Variants in SLC26A9 observed in about 807,000 individuals in gnomAD.
SLC26A9 encodes the protein anion transporter/exchanger protein 9.
A neutral mutation model predicts 87.1 loss-of-function variants in SLC26A9; 46 were observed. The observed-to-expected ratio is 0.53, with a 90% CI of 0.42 to 0.67. The LOEUF is 0.67. SLC26A9 is among the 30% of genes least tolerant of loss of function. SLC26A9 has a pLI of 0.00. For missense variants in SLC26A9, 927 were observed against 1,018.3 expected (o/e 0.91, Z 1.22); for synonymous variants, 437 against 409.1 (o/e 1.07, Z -0.82).
intron 1 of SLC26A9, among the ~76,000 whole-genome samples, chr1:205,940,857 C>T (rs1379842536): frequency 2.0e-5 from 3 of 152,258 alleles, no homozygotes; most frequent in African/African-American, 4.8e-5. Context: ...GTGCCAGGTA[C>T]GGGAACAGCC....
At chr1:205,935,875 A>C in intron 1 of SLC26A9, 37 bp from the exon 2 acceptor site, 1 of 1,580,078 alleles carries the variant, frequency 6.3e-7, no homozygotes, top group Non-Finnish European at 8.6e-7. Flanking sequence ...GTGAGGGAAC[A>C]TCCCTCCCTA....
rs12733647 is a variant in SLC26A9, at chr1:205,913,673, G to T, written c.*1684C>A. ...CTGGAATTTGGCACTTCGGGTGCTG[G>T]GCACGGTGAATCCCAGATAACATTG... On this transcript the variant is annotated 3_prime_UTR_variant, in exon 21 of 21. Coordinates refer to ENST00000367135, the MANE Select transcript of SLC26A9 (RefSeq NM_052934.4). 7,145 of 152,726 alleles carry T rather than the reference G, an allele frequency of 0.047. 209 individuals are homozygous for T. The highest frequency in any genetic ancestry group is 0.082 in the Middle Eastern group (24 of 294). The allele number at this position is 152,726 out of a possible 1,614,324, so 9.5% of individuals were successfully genotyped here.
chr1:205,918,983 G>A lies in SLC26A9; in HGVS notation c.2113C>T (p.Gln705Ter). ...VKVFLVNIHA[Q>*]VYNDISHGGV... Reference sequence around the variant, plus strand: ...CCATGGCTAATGTCATTGTACACCTGGGCTAGAAGGAGAAAAGATCACCTT... The same window carrying A: ...CCATGGCTAATGTCATTGTACACCTAGGCTAGAAGGAGAAAAGATCACCTT... The change falls in exon 19 of 21, where the codon CAG (glutamine) becomes TAG (stop). Residue 705 changes from glutamine to a stop codon, truncating the protein, a stop_gained and splice_region_variant. Transcript: ENST00000367135. LOFTEE classifies it high-confidence loss of function. 6.2e-7 allele frequency: 1 copy of A among 1,613,952 alleles called. No individual in the cohort carries two copies. The highest frequency in any genetic ancestry group is 8.5e-7 in the Non-Finnish European group (1 of 1,179,820).
At chr1:205,938,726 C>T (rs1318226965) in intron 1 of SLC26A9, among the ~76,000 whole-genome samples, 1 of 152,228 alleles carries the variant, frequency 6.6e-6, no homozygotes, top group Non-Finnish European at 1.5e-5. Flanking sequence ...TCCTCTCCCA[C>T]TCTTTTCCCT....
At position 205,929,194 on chromosome 1, in the gene SLC26A9, A is replaced by G. The variant is rs1659205422; in HGVS notation, c.870+10T>C. The stretch of plus-strand genomic sequence containing the variant: ...CCCCCCAACATCCCAGCTCTGAACA[A>G]GGTCCTTACCACAATCATCTCTGTA... On this transcript the variant is annotated intron_variant, in intron 7 of 20. Coordinates refer to ENST00000367135, the MANE Select transcript of SLC26A9 (RefSeq NM_052934.4). 3 of 1,611,126 alleles carry G rather than the reference A, an allele frequency of 1.9e-6. No homozygotes were observed. Among genetic ancestry groups the G allele is most frequent in the Non-Finnish European group, 2.5e-6 (3 of 1,177,814 alleles).
At chr1:205,920,339 C>A (rs1658775136) in intron 17 of SLC26A9, 109 bp from the exon 18 acceptor site, 3 of 1,289,466 alleles carry the variant, frequency 2.3e-6, no homozygotes, top group Non-Finnish European at 3.4e-6. Context: ...AAATAAGCAA[C>A]CCTGAGAGCC....
chr1:205,942,095 G>A (rs901401737), intron 1 of SLC26A9, among the ~76,000 whole-genome samples: 1 of 152,216 alleles, frequency 6.6e-6, no homozygotes, highest in Non-Finnish European at 1.5e-5. Context: ...CAGTCTGGCT[G>A]TTTAGTACGG....
intron 11 of SLC26A9, among the ~76,000 whole-genome samples, 178 bp from the exon 12 acceptor site, chr1:205,926,808 A>G (rs1659090780): frequency 6.6e-6 from 1 of 152,198 alleles, no homozygotes; most frequent in Non-Finnish European, 1.5e-5. Flanking sequence ...CGTTAGAGCC[A>G]TGGGGTCCTT....
At chr1:205,934,558 T>C (rs1659433017) in intron 2 of SLC26A9, among the ~76,000 whole-genome samples, 1 of 152,240 alleles carries the variant, frequency 6.6e-6, no homozygotes. Context: ...ATTAGCTTTC[T>C]AGACATTCAT....
intron 1 of SLC26A9, among the ~76,000 whole-genome samples, chr1:205,937,919 G>C (rs1409339407): frequency 6.6e-6 from 1 of 152,054 alleles, no homozygotes; most frequent in Admixed American, 6.5e-5. Flanking sequence ...AAATTTCAAG[G>C]GGGGCTGAGT....
In SLC26A9 at chr1:205,926,298, C is replaced by T. The variant is rs1283769071; in HGVS notation, c.1389+237G>A. Among the ~76,000 whole-genome samples, 4 of 152,160 alleles carry T rather than the reference C, an allele frequency of 2.6e-5. No homozygotes were observed. The East Asian group carries it at 7.7e-4, about 29-fold the overall frequency. Reference sequence around the variant, plus strand: ...AAAATAACCATTTGCCCAGTTAAGACACCAAGACTGGGAAAGGTTAAGGGG... The same window carrying T: ...AAAATAACCATTTGCCCAGTTAAGATACCAAGACTGGGAAAGGTTAAGGGG... On this transcript the variant is annotated intron_variant, in intron 12 of 20. Transcript: ENST00000367135.
Position 205,927,888 on chromosome 1 carries a change from G to T in SLC26A9, c.1101+14C>A, listed in dbSNP as rs1659144892. 6.2e-7 allele frequency: 1 copy of T among 1,612,788 alleles called. No individual in the cohort carries two copies. Among genetic ancestry groups the T allele is most frequent in the Non-Finnish European group, 8.5e-7 (1 of 1,179,144 alleles). ...CCTGTCCTGCCCAGTCCTGCCGGGG[G>T]TGGCCAGAGCTACCTGGTTCGAATC... On this transcript the variant is annotated intron_variant, in intron 9 of 20. Coordinates refer to ENST00000367135, the MANE Select transcript of SLC26A9 (RefSeq NM_052934.4).
At position 205,915,424 on chromosome 1, in the gene SLC26A9, G is replaced by A. The variant is rs750682334; in HGVS notation, c.2329-20C>T. ...CATCTCCTGCAGGAACCACAGGAAG[G>A]AAGTGGGAGGGGAAGAGAGAGGTTA... On this transcript the variant is annotated intron_variant, in intron 20 of 20. Transcript: ENST00000367135. The A allele has an allele frequency of 2.5e-6, 4 of 1,613,842 alleles. No individual in the cohort carries two copies. The South Asian group carries it at 4.4e-5, about 18-fold the overall frequency.
intron 19 of SLC26A9, 138 bp from the exon 20 acceptor site, chr1:205,917,492 T>C (rs1442232572): frequency 5.1e-6 from 4 of 782,838 alleles, no homozygotes; most frequent in East Asian, 2.5e-5. Flanking sequence ...TCTTGCCCCT[T>C]CCCTTACCTG....
At chr1:205,917,802 T>TATATAAA (rs1658658024) in intron 19 of SLC26A9, among the ~76,000 whole-genome samples, 1 of 152,126 alleles carries the variant, frequency 6.6e-6, no homozygotes, top group Non-Finnish European at 1.5e-5. Flanking sequence ...AAGTATATAT[T>TATATAAA]ATATAAAATA....
chr1:205,929,878 A>G lies in SLC26A9; in HGVS notation c.717+14T>C. On this transcript the variant is annotated intron_variant, in intron 6 of 20. Transcript: ENST00000367135. Reference sequence around the variant, plus strand: ...AGCCTTGCTCCAATGGCAGGGGTGCATCCCCAGACTCACAAAGACGATGGA... The same window carrying G: ...AGCCTTGCTCCAATGGCAGGGGTGCGTCCCCAGACTCACAAAGACGATGGA... The G allele has an allele frequency of 6.3e-7, 1 of 1,576,180 alleles. No individual in the cohort carries two copies. Among genetic ancestry groups the G allele is most frequent in the Non-Finnish European group, 8.7e-7 (1 of 1,152,442 alleles).
chr1:205,932,104 C>G, intron 4 of SLC26A9, 69 bp from the exon 5 acceptor site: 1 of 1,578,794 alleles, frequency 6.3e-7, no homozygotes, highest in Non-Finnish European at 8.6e-7. Flanking sequence ...AGAAAGGGGC[C>G]CAGGAATGCT....
At chr1:205,930,284 C>G in intron 5 of SLC26A9, 1 of 390,346 alleles carries the variant, frequency 2.6e-6, no homozygotes, top group Non-Finnish European at 4.6e-6. Context: ...CACATCACCT[C>G]TCTGGCTTTG....
intron 19 of SLC26A9, among the ~76,000 whole-genome samples, chr1:205,917,798 A>G (rs1658657554): frequency 6.6e-6 from 1 of 152,150 alleles, no homozygotes; most frequent in South Asian, 2.1e-4. Flanking sequence ...ATGTAAGTAT[A>G]TATTATATAA....
Sources: allele counts gnomAD v4.1 joint callset (sites outside exome capture counted in the v4.1 genomes callset), GRCh38; gene constraint gnomAD v4.1.1; transcripts MANE v1.5; gene names NCBI Gene and HGNC (gene_info 2026-07-23, HGNC 2026-07-21).